ZBTB7C: variants seen among roughly 807,000 people sequenced by gnomAD.
ZBTB7C encodes zinc finger and BTB domain containing 7C.
In ZBTB7C, 8 loss-of-function variants were observed where a neutral mutation model predicts 25.7. The ratio of observed to expected loss-of-function variants is 0.31; its 90% confidence interval spans 0.18 to 0.56. ZBTB7C has a LOEUF of 0.56. Ranked by LOEUF, ZBTB7C falls within the 20% of genes least tolerant of loss-of-function variation. ZBTB7C has a pLI of 0.91. For missense variants in ZBTB7C, 824 were observed against 855.2 expected (o/e 0.96, Z 0.46); for synonymous variants, 394 against 369.0 (o/e 1.07, Z -0.78).
At chr18:48,340,311 G>A (rs2046568754) in intron 1 of ZBTB7C, among the ~76,000 whole-genome samples, 1 of 152,218 alleles carries the variant, frequency 6.6e-6, no homozygotes, top group African/African-American at 2.4e-5. Context: ...CATAGAGTTT[G>A]GCAGGAAAAT....
chr18:48,209,613 G>A (rs1207479779), intron 2 of ZBTB7C, among the ~76,000 whole-genome samples: 3 of 152,004 alleles, frequency 2.0e-5, no homozygotes, highest in Admixed American at 6.6e-5. Flanking sequence ...ACAATTAACC[G>A]GGCATGGTGG....
chr18:48,028,018 C>T lies in ZBTB7C; in HGVS notation c.*1242G>A, dbSNP rs1302601118. On this transcript the variant is annotated 3_prime_UTR_variant, in exon 5 of 5. Coordinates refer to ENST00000590800, the MANE Select transcript of ZBTB7C (RefSeq NM_001318841.2). ...GGGGAGCCAAATACTCCCACTTCAT[C>T]CCCAGAGGGAGGAGGAAGGGGTTGA... The T allele has an allele frequency of 2.0e-5, 3 of 152,270 alleles. No individual in the cohort carries two copies. The highest frequency in any genetic ancestry group is 4.1e-4 in the South Asian group (2 of 4,834). 9.4% of individuals were successfully genotyped at this position (152,270 alleles called of 1,614,324 possible).
chr18:48,074,630 C>T (rs2037688701), intron 3 of ZBTB7C, among the ~76,000 whole-genome samples: 1 of 152,254 alleles, frequency 6.6e-6, no homozygotes, highest in Admixed American at 6.5e-5. Context: ...ATGATACCCT[C>T]AGACCAATTG....
intron 2 of ZBTB7C, among the ~76,000 whole-genome samples, chr18:48,316,574 T>C (rs774442025): frequency 6.6e-6 from 1 of 152,156 alleles, no homozygotes; most frequent in Non-Finnish European, 1.5e-5. Flanking sequence ...TGGCAATGAG[T>C]GACTTCTTGC....
chr18:48,085,656 C>G (rs893312470), intron 3 of ZBTB7C, among the ~76,000 whole-genome samples: 3 of 152,168 alleles, frequency 2.0e-5, no homozygotes, highest in Non-Finnish European at 4.4e-5. Context: ...TCCTGGCTGG[C>G]AGGAAGTACT....
chr18:48,161,690 TGCCCG>T (rs1257087477), intron 3 of ZBTB7C, among the ~76,000 whole-genome samples: 1 of 140,278 alleles, frequency 7.1e-6, no homozygotes, highest in East Asian at 2.0e-4. Context: ...TTCACTCGGC[TGCCCG>T]GCCCGGCCCG....
At chr18:48,214,684 G>A (rs760818692) in intron 2 of ZBTB7C, among the ~76,000 whole-genome samples, 11 of 152,166 alleles carry the variant, frequency 7.2e-5, no homozygotes, top group African/African-American at 2.7e-4. Flanking sequence ...CACTCTGTTA[G>A]CTCGCTCTTG....
At chr18:48,266,063 G>A (rs1390377249) in intron 2 of ZBTB7C, among the ~76,000 whole-genome samples, 1 of 152,112 alleles carries the variant, frequency 6.6e-6, no homozygotes, top group Non-Finnish European at 1.5e-5. Flanking sequence ...CAATTTACTC[G>A]CAAATGGTTC....
intron 2 of ZBTB7C, among the ~76,000 whole-genome samples, chr18:48,223,878 T>C (rs1475896143): frequency 6.6e-6 from 1 of 152,234 alleles, no homozygotes; most frequent in African/African-American, 2.4e-5. Context: ...CTTACTTAAC[T>C]GAAAAATTAC....
chr18:48,411,986 A>T (rs145157876), upstream of ZBTB7C, among the ~76,000 whole-genome samples: 5 of 152,364 alleles, frequency 3.3e-5, no homozygotes, highest in East Asian at 9.6e-4. Flanking sequence ...TTTACTGCCA[A>T]ACTTTAACAG....
intron 2 of ZBTB7C, among the ~76,000 whole-genome samples, chr18:48,319,663 A>G (rs2046042901): frequency 6.6e-6 from 1 of 152,232 alleles, no homozygotes; most frequent in Non-Finnish European, 1.5e-5. Flanking sequence ...TTAGGAATAT[A>G]TATAAGTGGA....
chr18:48,169,889 A>G (rs1344155567), intron 3 of ZBTB7C: 4 of 152,386 alleles, frequency 2.6e-5, no homozygotes, highest in Non-Finnish European at 5.9e-5. Flanking sequence ...TGAAGCAAGC[A>G]CAAAAGTATC....
intron 3 of ZBTB7C, among the ~76,000 whole-genome samples, chr18:48,059,804 C>A (rs1207121072): frequency 6.6e-6 from 1 of 152,138 alleles, no homozygotes; most frequent in Non-Finnish European, 1.5e-5. Flanking sequence ...TGTTGCTGCT[C>A]CTTTGAAAAC....
chr18:48,388,572 C>A (rs1007428652), intron 1 of ZBTB7C, among the ~76,000 whole-genome samples: 1 of 152,154 alleles, frequency 6.6e-6, no homozygotes, highest in African/African-American at 2.4e-5. Flanking sequence ...CTTTAGCAAA[C>A]TGATTTTGAA....
intron 3 of ZBTB7C, among the ~76,000 whole-genome samples, chr18:48,087,987 A>AT (rs1323083410): frequency 3.9e-5 from 6 of 152,108 alleles, no homozygotes; most frequent in African/African-American, 1.4e-4. Flanking sequence ...GTAGCTTTAT[A>AT]TGAATACATA....
At chr18:48,409,169 T>C (rs989345007) in intron 1 of ZBTB7C, 57 bp downstream of exon 1, 9 of 143,826 alleles carry the variant, frequency 6.3e-5, no homozygotes, top group Admixed American at 3.4e-4. Flanking sequence ...GCCGAGGTGC[T>C]GTGGAGATCG....
intron 1 of ZBTB7C, among the ~76,000 whole-genome samples, chr18:48,383,681 C>T (rs2047682301): frequency 6.6e-6 from 1 of 152,058 alleles, no homozygotes; most frequent in Admixed American, 6.6e-5. Context: ...TTTAAGGCAC[C>T]GAAAAAGGTG....
intron 1 of ZBTB7C, among the ~76,000 whole-genome samples, chr18:48,386,121 T>C (rs2047742476): frequency 6.6e-6 from 1 of 152,214 alleles, no homozygotes; most frequent in Admixed American, 6.5e-5. Flanking sequence ...TCTCTTTGGT[T>C]AGCACACTGT....
At chr18:48,319,784 A>C (rs989705096) in intron 2 of ZBTB7C, among the ~76,000 whole-genome samples, 2 of 152,342 alleles carry the variant, frequency 1.3e-5, no homozygotes, top group South Asian at 4.1e-4. Context: ...TAATAAAAAC[A>C]ACCAAGTAAA....
Sources: allele counts gnomAD v4.1 joint callset (sites outside exome capture counted in the v4.1 genomes callset), GRCh38; gene constraint gnomAD v4.1.1; transcripts MANE v1.5; gene names NCBI Gene and HGNC (gene_info 2026-07-23, HGNC 2026-07-21).